Variants in CENPP observed in about 807,000 individuals in gnomAD.
The protein encoded by CENPP is centromere protein P.
A neutral mutation model predicts 35.6 loss-of-function variants in CENPP; 24 were observed. The observed-to-expected ratio is 0.67, with a 90% CI of 0.49 to 0.95. The LOEUF (loss-of-function observed/expected upper bound fraction) is 0.95. Ranked by LOEUF, CENPP falls within the 40% of genes least tolerant of loss-of-function variation. CENPP has a pLI of 0.00. For synonymous variants in CENPP, 120 were observed against 125.5 expected, an observed-to-expected ratio of 0.96 and a Z score of 0.29; for missense variants, 332 against 345.3, an observed-to-expected ratio of 0.96 and a Z score of 0.31.
At chr9:92,590,385 A>G (rs1850637815) in intron 5 of CENPP, among the ~76,000 whole-genome samples, 2 of 152,244 alleles carry the variant, frequency 1.3e-5, no homozygotes, top group African/African-American at 2.4e-5. Flanking sequence ...AATAAATGCT[A>G]TGCTTAAAGA....
At chr9:92,464,478 G>A (rs1191167760) in intron 5 of CENPP, among the ~76,000 whole-genome samples, 2 of 152,216 alleles carry the variant, frequency 1.3e-5, no homozygotes, top group African/African-American at 2.4e-5. Flanking sequence ...TGAATGGCAT[G>A]TCCATTCCTG....
intron 5 of CENPP, among the ~76,000 whole-genome samples, chr9:92,484,287 C>G (rs1186103000): frequency 6.6e-6 from 1 of 152,192 alleles, no homozygotes; most frequent in East Asian, 1.9e-4. Flanking sequence ...AGAATCCCTC[C>G]TCTTACTCCT....
chr9:92,493,174 GA>G (rs1846221040), intron 5 of CENPP, among the ~76,000 whole-genome samples: 1 of 152,208 alleles, frequency 6.6e-6, no homozygotes, highest in African/African-American at 2.4e-5. Flanking sequence ...AGAAAAGGGG[GA>G]TGGGAGTGAA....
intron 5 of CENPP, among the ~76,000 whole-genome samples, chr9:92,547,702 A>G (rs1849501804): frequency 1.3e-5 from 2 of 152,252 alleles, no homozygotes; most frequent in Non-Finnish European, 2.9e-5. Context: ...GGGTTTCTTT[A>G]TGGAGTGACT....
At chr9:92,375,701 A>T (rs1480524173) in intron 4 of CENPP, among the ~76,000 whole-genome samples, 1 of 152,006 alleles carries the variant, frequency 6.6e-6, no homozygotes, top group East Asian at 1.9e-4. Flanking sequence ...TATTTCTTTT[A>T]AAAAAATTTC....
chr9:92,517,702 CCG>C (rs1563981627), intron 5 of CENPP: 51 of 1,614,038 alleles, frequency 3.2e-5, no homozygotes, highest in Non-Finnish European at 4.3e-5. Flanking sequence ...GCGGAGCAGA[CCG>C]GGCAGCATTC....
chr9:92,510,949 T>A (rs1847296520), intron 5 of CENPP, among the ~76,000 whole-genome samples: 1 of 152,122 alleles, frequency 6.6e-6, no homozygotes, highest in Non-Finnish European at 1.5e-5. Flanking sequence ...AGACCAGTGA[T>A]TTGTCTGAAG....
Position 92,325,983 on chromosome 9 carries a change from C to G in CENPP, c.-16C>G. ...GACAGCTGCGCTGCCGGCCCGGCTG[C>G]GGTCAGCAACGCGCCATGGACGCAG... is the stretch of plus-strand genomic sequence containing the variant. On this transcript the variant is annotated 5_prime_UTR_variant, in exon 1 of 8. Coordinates refer to ENST00000375587, the MANE Select transcript of CENPP (RefSeq NM_001012267.3). The G allele has an allele frequency of 6.5e-7, 1 of 1,544,452 alleles. No individual in the cohort carries two copies. The highest frequency in any genetic ancestry group is 8.8e-7 in the Non-Finnish European group (1 of 1,142,212).
At chr9:92,480,980 T>G (rs1845892442) in intron 5 of CENPP, among the ~76,000 whole-genome samples, 1 of 152,354 alleles carries the variant, frequency 6.6e-6, no homozygotes, top group Middle Eastern at 3.4e-3. Context: ...TAATTTTACC[T>G]TAGAAGTATA....
chr9:92,500,811 T>C, intron 5 of CENPP: 1 of 1,614,184 alleles, frequency 6.2e-7, no homozygotes. Flanking sequence ...GTCATTGTGA[T>C]CCAGAAATAA....
chr9:92,459,387 C>T (rs572659792), intron 5 of CENPP, among the ~76,000 whole-genome samples: 1 of 152,248 alleles, frequency 6.6e-6, no homozygotes, highest in Non-Finnish European at 1.5e-5. Flanking sequence ...GCCGCAATGT[C>T]CTCAGCAGTT....
At chr9:92,536,250 C>T (rs1849156194) in intron 5 of CENPP, among the ~76,000 whole-genome samples, 1 of 151,942 alleles carries the variant, frequency 6.6e-6, no homozygotes, top group African/African-American at 2.4e-5. Flanking sequence ...GCTGAAAAGG[C>T]AGAGTTGGAA....
At chr9:92,512,351 A>G (rs369961555) in intron 5 of CENPP, among the ~76,000 whole-genome samples, 41 of 152,358 alleles carry the variant, frequency 2.7e-4, no homozygotes, top group Non-Finnish European at 4.7e-4. Flanking sequence ...CTAAGGATTC[A>G]TCAAGCTGTA....
chr9:92,431,477 A>G (rs927735604), intron 5 of CENPP, among the ~76,000 whole-genome samples: 1 of 152,224 alleles, frequency 6.6e-6, no homozygotes, highest in African/African-American at 2.4e-5. Context: ...TGGCCTGCCT[A>G]TTAAAGAGAT....
At chr9:92,380,005 A>G in intron 5 of CENPP, 146 bp downstream of exon 5, 1 of 593,916 alleles carries the variant, frequency 1.7e-6, no homozygotes, top group Non-Finnish European at 3.0e-6. Context: ...ATTATTTGGA[A>G]TAACTGGAGG....
chr9:92,615,927 A>C lies in CENPP; in HGVS notation c.*2778A>C. 1 of 1,614,178 alleles carries C rather than the reference A, an allele frequency of 6.2e-7. No homozygotes were observed. The highest frequency in any genetic ancestry group is 8.5e-7 in the Non-Finnish European group (1 of 1,180,028). Reference sequence around the variant, plus strand: ...TTGGCACGTACAGTCTTTGAATAATAGTTGACGATCTTGCCGTCCAGTTTA... The same window carrying C: ...TTGGCACGTACAGTCTTTGAATAATCGTTGACGATCTTGCCGTCCAGTTTA... On this transcript the variant is annotated 3_prime_UTR_variant, in exon 8 of 8. Coordinates refer to ENST00000375587, the MANE Select transcript of CENPP (RefSeq NM_001012267.3).
intron 4 of CENPP, among the ~76,000 whole-genome samples, 188 bp downstream of exon 4, chr9:92,345,975 T>C (rs890293158): frequency 6.6e-6 from 1 of 152,222 alleles, no homozygotes. Context: ...TTATATTTAT[T>C]GCACATTCAC....
chr9:92,517,397 G>T, intron 5 of CENPP: 1 of 563,870 alleles, frequency 1.8e-6, no homozygotes, highest in South Asian at 2.2e-5. Flanking sequence ...AGGATCTGTT[G>T]TAGAAATTCT....
chr9:92,364,447 C>A (rs2130839972), intron 4 of CENPP, among the ~76,000 whole-genome samples: 1 of 152,088 alleles, frequency 6.6e-6, no homozygotes, highest in East Asian at 1.9e-4. Flanking sequence ...CCTTGGTTGA[C>A]TGTTTTGGTT....
Sources: allele counts gnomAD v4.1 joint callset (sites outside exome capture counted in the v4.1 genomes callset), GRCh38; gene constraint gnomAD v4.1.1; transcripts MANE v1.5; gene names NCBI Gene and HGNC (gene_info 2026-07-23, HGNC 2026-07-21).